The following CACNA1C variants were observed in gnomAD, a reference collection of about 807,000 sequenced individuals.
The protein encoded by CACNA1C is calcium voltage-gated channel subunit alpha1 C.
A neutral mutation model predicts 229.0 loss-of-function variants in CACNA1C; 30 were observed. The observed-to-expected ratio is 0.13, with a 90% CI of 0.10 to 0.18. CACNA1C has a LOEUF of 0.18. Ranked by LOEUF, CACNA1C falls within the 10% of genes least tolerant of loss-of-function variation. The pLI, the probability that CACNA1C is intolerant of heterozygous loss-of-function variation, is 1.00. For synonymous variants in CACNA1C, 1,114 were observed against 1,132.5 expected, an observed-to-expected ratio of 0.98 and a Z score of 0.33; for missense variants, 1,658 against 2,845.0, an observed-to-expected ratio of 0.58 and a Z score of 9.49.
At position 2,433,299 on chromosome 12, in the gene CACNA1C, T is replaced by G. The variant is rs1399111366; in HGVS notation, c.478-15677T>G. ...TGCTTGGGGCCACAGGTGGTCCTAC[T>G]CAGGGGCAGTCCCTCTTGTGGGGCC... is the stretch of plus-strand genomic sequence containing the variant. On this transcript the variant is annotated intron_variant, in intron 3 of 46. Transcript: ENST00000399655. 2.0e-5 allele frequency among the ~76,000 whole-genome samples: 3 copies of G among 152,270 alleles called. No individual in the cohort carries two copies. The East Asian group carries it at 5.8e-4, about 29-fold the overall frequency.
At chr12:2,236,328 C>G (rs190903808) in intron 3 of CACNA1C, among the ~76,000 whole-genome samples, 4 of 152,322 alleles carry the variant, frequency 2.6e-5, no homozygotes, top group Non-Finnish European at 5.9e-5. Context: ...CATTGAGCAG[C>G]AGTGCTGTAG....
chr12:2,266,277 G>A (rs957960340), intron 3 of CACNA1C, among the ~76,000 whole-genome samples: 1 of 152,230 alleles, frequency 6.6e-6, no homozygotes, highest in Admixed American at 6.5e-5. Flanking sequence ...AGTACTGGGG[G>A]CATATGGCCT....
At position 2,560,185 on chromosome 12, in the gene CACNA1C, C is replaced by T. The variant is rs74053825; in HGVS notation, c.1508+3208C>T. On this transcript the variant is annotated intron_variant, in intron 11 of 46. Transcript: ENST00000399655. ...CAGCAGCCGTCTAATCTAGATTCAG[C>T]AGTTCACTGATGGTGTCTGCTTAGG... 8.9e-3 allele frequency among the ~76,000 whole-genome samples: 1,356 copies of T among 152,330 alleles called. 19 individuals are homozygous for T. The highest frequency in any genetic ancestry group is 0.031 in the African/African-American group (1,290 of 41,566).
Position 2,074,611 on chromosome 12 carries a change from G to A in CACNA1C, c.49+21000G>A, listed in dbSNP as rs142641175. On this transcript the variant is annotated intron_variant, in intron 1 of 46. Coordinates refer to ENST00000399655, the MANE Select transcript of CACNA1C (RefSeq NM_000719.7). ...TACTGTTATTGATAGGCCCTCTCAGGGGGAGGAGACTGCCAGTGCCGTGAC... is the reference window on the plus strand; with the variant it reads ...TACTGTTATTGATAGGCCCTCTCAGAGGGAGGAGACTGCCAGTGCCGTGAC... Among the ~76,000 whole-genome samples, 4 of 152,156 alleles carry A rather than the reference G, an allele frequency of 2.6e-5. No individual in the cohort carries two copies. The South Asian group carries it at 6.2e-4, about 24-fold the overall frequency.
chr12:2,066,248 G>A (rs2059213041), intron 1 of CACNA1C, among the ~76,000 whole-genome samples: 1 of 152,068 alleles, frequency 6.6e-6, no homozygotes, highest in Admixed American at 6.5e-5. Context: ...CAGCATGCAC[G>A]CAGAATTAGA....
Position 2,677,290 on chromosome 12 carries a change from T to G in CACNA1C, c.4956+69T>G. On this transcript the variant is annotated intron_variant, in intron 40 of 46. Coordinates refer to ENST00000399655, the MANE Select transcript of CACNA1C (RefSeq NM_000719.7). The surrounding 1 kb of genome is among the most constrained non-coding windows in gnomAD (Gnocchi z 7.4). ...CATTGCCTCTGACCTCCAGTCAGGG[T>G]CCCGGTCCCTCCCCAGCAGGCTGGA... 1 of 1,534,100 alleles carries G rather than the reference T, an allele frequency of 6.5e-7. No individual in the cohort carries two copies. Among genetic ancestry groups the G allele is most frequent in the Non-Finnish European group, 8.9e-7 (1 of 1,129,152 alleles).
chr12:2,559,139 C>CA (rs2046177395), intron 11 of CACNA1C, among the ~76,000 whole-genome samples: 1 of 152,150 alleles, frequency 6.6e-6, no homozygotes, highest in African/African-American at 2.4e-5. Flanking sequence ...ATTTGACAGT[C>CA]AAAGCTGAAA....
At chr12:2,256,204 T>C (rs1406481780) in intron 3 of CACNA1C, among the ~76,000 whole-genome samples, 1 of 152,178 alleles carries the variant, frequency 6.6e-6, no homozygotes, top group East Asian at 1.9e-4. Flanking sequence ...ACCTGGAGGC[T>C]AAGCCCAGGA....
At chr12:2,210,166 G>T (rs533802599) in intron 3 of CACNA1C, among the ~76,000 whole-genome samples, 2 of 152,360 alleles carry the variant, frequency 1.3e-5, no homozygotes, top group East Asian at 3.8e-4. Context: ...CTGATCTTCA[G>T]CCTGATGTGA....
intron 29 of CACNA1C, among the ~76,000 whole-genome samples, chr12:2,618,682 T>C (rs2081895585): frequency 6.6e-6 from 1 of 152,222 alleles, no homozygotes; most frequent in East Asian, 1.9e-4. Flanking sequence ...GAGACTCCGA[T>C]GTCCACAGAC....
intron 3 of CACNA1C, among the ~76,000 whole-genome samples, chr12:2,358,157 G>A (rs558324599): frequency 3.3e-5 from 5 of 152,158 alleles, no homozygotes; most frequent in South Asian, 2.1e-4. Flanking sequence ...CCTGACCTCA[G>A]CATAGGATGG....
chr12:2,035,006 G>A (rs954530996), intron 1 of CACNA1C, among the ~76,000 whole-genome samples: 2 of 152,226 alleles, frequency 1.3e-5, no homozygotes, highest in African/African-American at 2.4e-5. Flanking sequence ...ACGTGGAAAC[G>A]GTAAAGGCCG....
At chr12:2,501,101 C>T (rs1345958833) in intron 7 of CACNA1C, among the ~76,000 whole-genome samples, 15 of 143,830 alleles carry the variant, frequency 1.0e-4, no homozygotes, top group African/African-American at 3.1e-4. Context: ...CCCTGCTACT[C>T]GGGAGGCTGA....
chr12:2,198,628 C>A (rs933267211), intron 3 of CACNA1C, among the ~76,000 whole-genome samples: 63 of 152,062 alleles, frequency 4.1e-4, no homozygotes, highest in Admixed American at 2.0e-4. Flanking sequence ...GATATGAATT[C>A]TTTTTATTTT....
At chr12:2,206,756 G>A (rs948807878) in intron 3 of CACNA1C, among the ~76,000 whole-genome samples, 6 of 152,198 alleles carry the variant, frequency 3.9e-5, no homozygotes, top group Non-Finnish European at 8.8e-5. Context: ...CATATTATAT[G>A]CATGTAATGG....
At chr12:2,323,482 C>T (rs1181562365) in intron 3 of CACNA1C, among the ~76,000 whole-genome samples, 2 of 152,158 alleles carry the variant, frequency 1.3e-5, no homozygotes, top group South Asian at 4.2e-4. Context: ...GTGTCGCCAT[C>T]AGAATAGGAT....
intron 4 of CACNA1C, among the ~76,000 whole-genome samples, chr12:2,455,793 T>G (rs772650183): frequency 6.6e-6 from 1 of 152,186 alleles, no homozygotes; most frequent in South Asian, 2.1e-4. Context: ...GCTCTCTTCA[T>G]GGGGCGCCGT....
chr12:2,382,699 A>G (rs577753287), intron 3 of CACNA1C, among the ~76,000 whole-genome samples: 2 of 152,298 alleles, frequency 1.3e-5, no homozygotes, highest in Non-Finnish European at 2.9e-5. Flanking sequence ...CCATAAGCAA[A>G]TGTTCCTGAA....
At chr12:2,247,572 C>G (rs770161938) in intron 3 of CACNA1C, among the ~76,000 whole-genome samples, 2 of 152,210 alleles carry the variant, frequency 1.3e-5, no homozygotes, top group Non-Finnish European at 2.9e-5. Flanking sequence ...GGCTGAGTTT[C>G]AGGCTTCCTG....
Sources: allele counts gnomAD v4.1 joint callset (sites outside exome capture counted in the v4.1 genomes callset), GRCh38; gene constraint gnomAD v4.1.1; non-coding constraint Gnocchi (gnomAD v3.1); transcripts MANE v1.5; gene names NCBI Gene and HGNC (gene_info 2026-07-23, HGNC 2026-07-21).